Variants in SLC25A10 observed in about 807,000 individuals in gnomAD.
The protein encoded by SLC25A10 is mitochondrial dicarboxylate carrier.
In SLC25A10, 32 loss-of-function variants were observed where a neutral mutation model predicts 40.4. That is an observed-to-expected ratio of 0.79 (90% CI 0.60 to 1.06). SLC25A10 has a LOEUF of 1.06. Among genes scored for constraint, SLC25A10 ranks in the 50% least tolerant of loss-of-function variants. The pLI is 0.00. For synonymous variants in SLC25A10, 181 were observed against 171.1 expected, an observed-to-expected ratio of 1.06 and a Z score of -0.45; for missense variants, 394 against 402.6, an observed-to-expected ratio of 0.98 and a Z score of 0.18.
chr17:81,719,942 C>A, intron 10 of SLC25A10, 34 bp from the exon 11 acceptor site: 1 of 1,613,382 alleles, frequency 6.2e-7, no homozygotes, highest in African/African-American at 1.3e-5. Context: ...CCCCTTCGGG[C>A]TCTGTGTCTC....
At position 81,712,379 on chromosome 17, in the gene SLC25A10, G is replaced by A. The variant is rs2037397904; in HGVS notation, c.-48G>A. The stretch of plus-strand genomic sequence containing the variant: ...GCTGCGGCCGGTACACGCCGGGGTA[G>A]GGCCGGGGTCGGGTTGTGGTCGGGC... On this transcript the variant is annotated 5_prime_UTR_variant, in exon 1 of 11. Coordinates refer to ENST00000350690, the MANE Select transcript of SLC25A10 (RefSeq NM_012140.5). The A allele has an allele frequency of 8.5e-7, 1 of 1,174,270 alleles. No homozygotes were observed. Among genetic ancestry groups the A allele is most frequent in the Middle Eastern group, 3.2e-4 (1 of 3,084 alleles). 72.7% of individuals were successfully genotyped at this position (1,174,270 alleles called of 1,614,324 possible).
intron 4 of SLC25A10, 33 bp from the exon 5 acceptor site, chr17:81,715,976 G>A (rs962449549): frequency 2.4e-5 from 28 of 1,189,740 alleles, no homozygotes; most frequent in Non-Finnish European, 2.6e-5. Flanking sequence ...CCCTCGGCCC[G>A]CCCGCCCCTC....
Position 81,720,555 on chromosome 17 carries a change from C to G in SLC25A10, c.*478C>G. The stretch of plus-strand genomic sequence containing the variant: ...TGTCTGCTGAGAGCAACCAGACCTT[C>G]CATGTCCTCGGGCAGCTGCAACTCC... On this transcript the variant is annotated 3_prime_UTR_variant, in exon 11 of 11. Transcript: ENST00000350690. 1 of 1,267,628 alleles carries G rather than the reference C, an allele frequency of 7.9e-7. No homozygotes were observed. The highest frequency in any genetic ancestry group is 9.9e-7 in the Non-Finnish European group (1 of 1,008,446). The allele number at this position is 1,267,628 out of a possible 1,614,324, so 78.5% of individuals were successfully genotyped here.
At chr17:81,715,344 C>A in intron 2 of SLC25A10, 134 bp from the exon 3 acceptor site, 1 of 849,718 alleles carries the variant, frequency 1.2e-6, no homozygotes, top group Non-Finnish European at 1.9e-6. Flanking sequence ...CGCATGCTGG[C>A]ACAGTGGCCT....
In SLC25A10 at chr17:81,717,798, G is replaced by C. The variant is rs150420946; in HGVS notation, c.642G>C (p.Thr214=). The C allele has an allele frequency of 2.5e-6, 4 of 1,611,814 alleles. No homozygotes were observed. The African/African-American group carries it at 4.0e-5, about 16-fold the overall frequency. The change falls in exon 9 of 11, where the codon ACG becomes ACC. Residue 214 remains threonine (T), a synonymous_variant. Coordinates refer to ENST00000350690, the MANE Select transcript of SLC25A10 (RefSeq NM_012140.5). ...VASFIAGGCA[T]FLCQPLDVLK... Reference sequence around the variant, plus strand: ...CCCCTCCTCAGGGTGGATGTGCCACGTTCCTGTGCCAGCCCCTGGATGTGC... The same window carrying C: ...CCCCTCCTCAGGGTGGATGTGCCACCTTCCTGTGCCAGCCCCTGGATGTGC...
At chr17:81,715,324 C>G (rs2037462050) in intron 2 of SLC25A10, among the ~76,000 whole-genome samples, 154 bp from the exon 3 acceptor site, 1 of 152,236 alleles carries the variant, frequency 6.6e-6, no homozygotes, top group Non-Finnish European at 1.5e-5. Context: ...GATTTGTGAA[C>G]TGGCTCAGCC....
chr17:81,720,549 G>T lies in SLC25A10; in HGVS notation c.*472G>T. 7.9e-7 allele frequency: 1 copy of T among 1,273,346 alleles called. No homozygotes were observed. The highest frequency in any genetic ancestry group is 3.3e-5 in the South Asian group (1 of 29,908). The allele number at this position is 1,273,346 out of a possible 1,614,324, so 78.9% of individuals were successfully genotyped here. On this transcript the variant is annotated 3_prime_UTR_variant, in exon 11 of 11. Transcript: ENST00000350690. ...ACTTCGTGTCTGCTGAGAGCAACCA[G>T]ACCTTCCATGTCCTCGGGCAGCTGC...
intron 8 of SLC25A10, 77 bp from the exon 9 acceptor site, chr17:81,717,707 G>T: frequency 6.6e-7 from 1 of 1,525,388 alleles, no homozygotes; most frequent in Middle Eastern, 2.2e-4. Context: ...TCAGGTGGAG[G>T]TTCTGGCACG....
chr17:81,717,646 C>G, intron 8 of SLC25A10, 138 bp from the exon 9 acceptor site: 1 of 1,288,412 alleles, frequency 7.8e-7, no homozygotes, highest in South Asian at 1.3e-5. Flanking sequence ...TTTGGGAGCT[C>G]ATGGGTCAGC....
rs1218456529 is a variant in SLC25A10, at chr17:81,720,268, C to T, written c.*191C>T. 3 of 1,441,800 alleles carry T rather than the reference C, an allele frequency of 2.1e-6. No individual in the cohort carries two copies. The highest frequency in any genetic ancestry group is 2.9e-5 in the African/African-American group (2 of 69,790). 89.3% of individuals were successfully genotyped at this position (1,441,800 alleles called of 1,614,324 possible). A position where few individuals can be genotyped will look rare whatever the true frequency, so the allele number is the denominator to read the frequency against. Reference sequence around the variant, plus strand: ...CCTCGTCCCCTCTCAGCTGTAGCTGCACCACCCCCGCTCTGGCTACCAGGC... The same window carrying T: ...CCTCGTCCCCTCTCAGCTGTAGCTGTACCACCCCCGCTCTGGCTACCAGGC... On this transcript the variant is annotated 3_prime_UTR_variant, in exon 11 of 11. Coordinates refer to ENST00000350690, the MANE Select transcript of SLC25A10 (RefSeq NM_012140.5).
Position 81,718,972 on chromosome 17 carries a change from A to C in SLC25A10, c.706-859A>C, listed in dbSNP as rs370596974. On this transcript the variant is annotated intron_variant, in intron 9 of 10. Transcript: ENST00000350690. The stretch of plus-strand genomic sequence containing the variant: ...TTAAAAAAACAAAAAACAAAAAAAA[A>C]CACATTTCTTTTCTTTCTTTTTTTT... 9.2e-3 allele frequency among the ~76,000 whole-genome samples: 1,388 copies of C among 151,080 alleles called. 11 individuals carry two copies. Among genetic ancestry groups the C allele is most frequent in the Middle Eastern group, 0.014 (4 of 294 alleles).
At chr17:81,715,927 C>T in intron 4 of SLC25A10, 82 bp from the exon 5 acceptor site, 1 of 1,485,642 alleles carries the variant, frequency 6.7e-7, no homozygotes, top group Non-Finnish European at 9.2e-7. Context: ...GCCCCGCTGA[C>T]CAGCGTGAGC....
intron 9 of SLC25A10, 49 bp from the exon 10 acceptor site, chr17:81,719,781 CT>C (rs757656158): frequency 6.2e-7 from 1 of 1,608,696 alleles, no homozygotes; most frequent in East Asian, 2.2e-5. Flanking sequence ...TTTTCGTTGC[CT>C]TTTGGGTGAG....
intron 9 of SLC25A10, among the ~76,000 whole-genome samples, chr17:81,718,729 C>G (rs1182090492): frequency 6.6e-6 from 1 of 151,488 alleles, no homozygotes; most frequent in Non-Finnish European, 1.5e-5. Context: ...GCGGGCAGAT[C>G]ACAAGTCAGG....
rs1002531542 is a variant in SLC25A10, at chr17:81,712,335, G to T, written c.-92G>T. 13 of 871,314 alleles carry T rather than the reference G, an allele frequency of 1.5e-5. No homozygotes were observed. The highest frequency in any genetic ancestry group is 4.3e-4 in the Middle Eastern group (1 of 2,300). The allele number at this position is 871,314 out of a possible 1,614,324, so 54.0% of individuals were successfully genotyped here. On this transcript the variant is annotated 5_prime_UTR_variant, in exon 1 of 11. Transcript: ENST00000350690. ...GCGGGCGGCGCTTTGAACCGGGCGC[G>T]GGGCGCGGGGCGCGGGGCGCTGCGG...
chr17:81,718,644 G>A (rs1278901936), intron 9 of SLC25A10, among the ~76,000 whole-genome samples: 2 of 151,488 alleles, frequency 1.3e-5, no homozygotes, highest in Non-Finnish European at 2.9e-5. Flanking sequence ...GACAGAGTGA[G>A]ACTGTCTTAA....
chr17:81,715,977 C>A, intron 4 of SLC25A10, 32 bp from the exon 5 acceptor site: 1 of 1,556,072 alleles, frequency 6.4e-7, no homozygotes, highest in Non-Finnish European at 8.7e-7. Context: ...CCTCGGCCCG[C>A]CCGCCCCTCC....
chr17:81,716,771 G>A (rs912137127), intron 5 of SLC25A10, 41 bp from the exon 6 acceptor site: 1 of 1,586,672 alleles, frequency 6.3e-7, no homozygotes. Context: ...GGAGCCGGTG[G>A]TCAGGGGGAG....
At chr17:81,715,637 C>A (rs370811527) in intron 3 of SLC25A10, 45 bp downstream of exon 3, 1 of 1,612,314 alleles carries the variant, frequency 6.2e-7, no homozygotes, top group East Asian at 2.2e-5. Flanking sequence ...GTGGTCAGGT[C>A]GGCCGAGGAC....
Sources: gnomAD v4.1 joint callset for allele counts (sites outside exome capture counted in the v4.1 genomes callset) on GRCh38, gnomAD v4.1.1 for gene constraint, MANE v1.5 for transcripts, NCBI Gene and HGNC (gene_info 2026-07-23, HGNC 2026-07-21) for gene names.